Variants in PCDH15 observed in about 807,000 individuals in gnomAD.
The protein encoded by PCDH15 is protocadherin-15.
In PCDH15, 129 loss-of-function variants were observed where a neutral mutation model predicts 178.5. That is an observed-to-expected ratio of 0.72 (90% CI 0.63 to 0.84). The LOEUF is 0.84. Among genes scored for constraint, PCDH15 ranks in the 40% least tolerant of loss-of-function variants. The probability of loss-of-function intolerance (pLI) is 0.00; values close to 1 mark genes in which losing one functional copy is unlikely to be tolerated. For synonymous variants in PCDH15, 800 were observed against 732.0 expected (o/e 1.09, Z -1.50); for missense variants, 2,230 against 2,099.9 (o/e 1.06, Z -1.21).
At chr10:54,934,414 ATTAT>A (rs1157474740) in intron 2 of PCDH15, among the ~76,000 whole-genome samples, 1 of 152,102 alleles carries the variant, frequency 6.6e-6, no homozygotes, top group Non-Finnish European at 1.5e-5. Context: ...GAACTCCCTG[ATTAT>A]TTATTCTGGG....
chr10:55,259,902 CAAAAAAAAAAAAAAAA>C (rs749939571), intron 1 of PCDH15, among the ~76,000 whole-genome samples: 14 of 52,010 alleles, frequency 2.7e-4, no homozygotes, highest in African/African-American at 9.1e-4. Context: ...AACTCCGTCT[CAAAAAAAAAAAAAAAA>C]AAAAAAAAAA....
At chr10:55,089,689 C>T (rs1382650173) in intron 2 of PCDH15, among the ~76,000 whole-genome samples, 1 of 152,036 alleles carries the variant, frequency 6.6e-6, no homozygotes, top group Non-Finnish European at 1.5e-5. Context: ...ACAAGAATAT[C>T]TGAGGAAAAT....
intron 3 of PCDH15, among the ~76,000 whole-genome samples, chr10:54,403,462 A>T (rs1240441712): frequency 7.9e-5 from 12 of 152,042 alleles, no homozygotes; most frequent in Admixed American, 2.6e-4. Flanking sequence ...TAAGAGCCAT[A>T]TATGAAAAAC....
At chr10:55,537,592 C>A (rs34705700) in intron 2 of PCDH15, among the ~76,000 whole-genome samples, 4,736 of 152,106 alleles carry the variant, frequency 0.031, 115 homozygotes, top group Middle Eastern at 0.082. Flanking sequence ...CGTGCCATCA[C>A]ACCTGGCTAA....
At chr10:54,486,110 A>G (rs2079078913) in intron 3 of PCDH15, 1 of 152,050 alleles carries the variant, frequency 6.6e-6, no homozygotes, top group Non-Finnish European at 1.5e-5. Flanking sequence ...AAGACTGTGA[A>G]GCCACATTGA....
At chr10:53,925,952 A>G (rs2084511152) in intron 25 of PCDH15, among the ~76,000 whole-genome samples, 1 of 152,120 alleles carries the variant, frequency 6.6e-6, no homozygotes, top group South Asian at 2.1e-4. Context: ...ATTTTTTTTC[A>G]AAACCTACCT....
chr10:54,398,496 T>G (rs1323055697), intron 3 of PCDH15, among the ~76,000 whole-genome samples: 3 of 152,092 alleles, frequency 2.0e-5, no homozygotes, highest in Admixed American at 6.6e-5. Flanking sequence ...TAGAGTTTGG[T>G]TACAAAATGA....
intron 13 of PCDH15, among the ~76,000 whole-genome samples, chr10:54,157,534 C>T (rs2045285930): frequency 6.6e-6 from 1 of 152,152 alleles, no homozygotes; most frequent in Admixed American, 6.5e-5. Context: ...CAATTTTTTC[C>T]TCATAGGCCT....
intron 1 of PCDH15, among the ~76,000 whole-genome samples, chr10:55,272,144 C>G (rs1393518823): frequency 6.6e-6 from 1 of 151,738 alleles, no homozygotes; most frequent in African/African-American, 2.4e-5. Flanking sequence ...TAATAATTAT[C>G]CAGAAGCTTA....
intron 1 of PCDH15, among the ~76,000 whole-genome samples, chr10:54,796,388 G>C (rs987491490): frequency 1.3e-5 from 2 of 150,726 alleles, no homozygotes; most frequent in African/African-American, 4.9e-5. Flanking sequence ...GCCTGTCTCA[G>C]TCTCCCTTTC....
At chr10:55,422,410 C>G (rs1227049002) in intron 2 of PCDH15, among the ~76,000 whole-genome samples, 1 of 151,684 alleles carries the variant, frequency 6.6e-6, no homozygotes, top group Admixed American at 6.6e-5. Flanking sequence ...AATGTTAAAC[C>G]ATTCATTGAT....
intron 32 of PCDH15, among the ~76,000 whole-genome samples, chr10:53,824,652 C>T (rs1038100963): frequency 1.4e-4 from 22 of 152,126 alleles, no homozygotes; most frequent in African/African-American, 4.3e-4. Flanking sequence ...TTTTACTCTT[C>T]GAATCTTGAA....
At chr10:55,347,531 G>A (rs1333271709) in intron 2 of PCDH15, among the ~76,000 whole-genome samples, 2 of 151,880 alleles carry the variant, frequency 1.3e-5, no homozygotes, top group African/African-American at 4.8e-5. Context: ...ATTCTTTTTA[G>A]GACAAAAATT....
Position 54,152,920 on chromosome 10 carries a change from T to C in PCDH15, c.1784+180A>G, listed in dbSNP as rs2044684227. 2.0e-5 allele frequency among the ~76,000 whole-genome samples: 3 copies of C among 152,110 alleles called. No homozygotes were observed. In the South Asian group the frequency reaches 6.2e-4, roughly 31 times the overall value. Reference sequence around the variant, plus strand: ...TTGAAATATGCCTCTGATATTGTCCTCTTCCCAAAATTTAACCAAATCAGA... The same window carrying C: ...TTGAAATATGCCTCTGATATTGTCCCCTTCCCAAAATTTAACCAAATCAGA... On this transcript the variant is annotated intron_variant, in intron 14 of 37. Coordinates refer to ENST00000644397, the MANE Select transcript of PCDH15 (RefSeq NM_001384140.1).
intron 29 of PCDH15, among the ~76,000 whole-genome samples, chr10:53,832,351 G>C (rs1051644164): frequency 5.3e-5 from 8 of 151,870 alleles, no homozygotes; most frequent in Non-Finnish European, 1.2e-4. Flanking sequence ...ATAATTAGCA[G>C]GTGATTTTTT....
intron 21 of PCDH15, among the ~76,000 whole-genome samples, chr10:53,984,138 TTTTTC>T (rs1564928617): frequency 5.8e-5 from 6 of 103,470 alleles, no homozygotes; most frequent in East Asian, 4.6e-4. Flanking sequence ...TTTTTTTTCT[TTTTTC>T]TTTTCTTTTT....
At chr10:54,304,736 T>G (rs553654501) in intron 8 of PCDH15, among the ~76,000 whole-genome samples, 5 of 152,170 alleles carry the variant, frequency 3.3e-5, no homozygotes, top group Non-Finnish European at 7.4e-5. Flanking sequence ...GGAGCAAAAG[T>G]AGAAACAGGG....
intron 1 of PCDH15, among the ~76,000 whole-genome samples, chr10:55,286,572 C>T (rs923522399): frequency 5.3e-5 from 8 of 151,024 alleles, no homozygotes; most frequent in Non-Finnish European, 1.2e-4. Flanking sequence ...CCTATGTTGT[C>T]CTTGCTGTAG....
chr10:55,201,336 C>CCAG (rs1192269656), intron 1 of PCDH15, among the ~76,000 whole-genome samples: 1 of 152,080 alleles, frequency 6.6e-6, no homozygotes, highest in African/African-American at 2.4e-5. Flanking sequence ...CATGCAAGAA[C>CCAG]CAGCCTTACT....
Sources: gnomAD v4.1 joint callset for allele counts (sites outside exome capture counted in the v4.1 genomes callset) on GRCh38, gnomAD v4.1.1 for gene constraint, MANE v1.5 for transcripts, NCBI Gene and HGNC (gene_info 2026-07-23, HGNC 2026-07-21) for gene names.